The following SCMH1 variants were observed in gnomAD, a reference collection of about 807,000 sequenced individuals.
The protein encoded by SCMH1 is polycomb protein SCMH1.
A neutral mutation model predicts 70.8 loss-of-function variants in SCMH1; 37 were observed. That is an observed-to-expected ratio of 0.52 (90% confidence interval 0.40 to 0.69). The LOEUF is 0.69. SCMH1 is among the 30% of genes least tolerant of loss of function. The probability of loss-of-function intolerance (pLI) is 0.00; values close to 1 mark genes in which losing one functional copy is unlikely to be tolerated. For missense variants in SCMH1, 607 were observed against 827.3 expected (o/e 0.73, Z 3.27); for synonymous variants, 292 against 307.4 (o/e 0.95, Z 0.52).
chr1:41,094,489 G>A (rs1664534032), intron 8 of SCMH1, among the ~76,000 whole-genome samples: 1 of 152,142 alleles, frequency 6.6e-6, no homozygotes, highest in Admixed American at 6.6e-5. Context: ...TTTGAGAATT[G>A]TTAAACTAAG....
intron 2 of SCMH1, among the ~76,000 whole-genome samples, chr1:41,181,738 TACAC>T (rs1648829623): frequency 6.6e-6 from 1 of 152,224 alleles, no homozygotes; most frequent in Admixed American, 6.5e-5. Context: ...GGAACACTTT[TACAC>T]TGTTGGTGGG....
chr1:41,093,257 GC>G (rs1258758923), intron 8 of SCMH1, among the ~76,000 whole-genome samples: 1 of 151,838 alleles, frequency 6.6e-6, no homozygotes, highest in East Asian at 1.9e-4. Flanking sequence ...ATCATTCTCA[GC>G]AAACTATCGC....
At chr1:41,088,408 T>C (rs984797386) in intron 8 of SCMH1, among the ~76,000 whole-genome samples, 12 of 152,150 alleles carry the variant, frequency 7.9e-5, no homozygotes, top group South Asian at 4.1e-4. Flanking sequence ...ATTAAATCCA[T>C]AAAGATAAGG....
chr1:41,075,173 C>A (rs775240248), intron 9 of SCMH1, 46 bp downstream of exon 9: 1 of 1,594,654 alleles, frequency 6.3e-7, no homozygotes, highest in Admixed American at 1.7e-5. Flanking sequence ...CGAATGACCC[C>A]TTTATAAACC....
chr1:41,231,146 G>C (rs1461626438), intron 1 of SCMH1, among the ~76,000 whole-genome samples: 1 of 152,078 alleles, frequency 6.6e-6, no homozygotes, highest in Non-Finnish European at 1.5e-5. Flanking sequence ...ATTTTGTACT[G>C]GGATTCACTA....
intron 13 of SCMH1, among the ~76,000 whole-genome samples, chr1:41,032,853 C>T (rs1273728444): frequency 1.3e-5 from 2 of 152,096 alleles, no homozygotes; most frequent in Non-Finnish European, 2.9e-5. Flanking sequence ...GTGGCAGGCA[C>T]CTGTAATCCC....
At chr1:41,105,854 A>G (rs1054000277) in intron 8 of SCMH1, among the ~76,000 whole-genome samples, 5 of 150,746 alleles carry the variant, frequency 3.3e-5, no homozygotes, top group Non-Finnish European at 7.4e-5. Context: ...CTGTAACTCT[A>G]CTACTTAAAA....
intron 8 of SCMH1, among the ~76,000 whole-genome samples, chr1:41,099,676 T>C (rs1666050785): frequency 6.6e-6 from 1 of 152,210 alleles, no homozygotes; most frequent in Non-Finnish European, 1.5e-5. Flanking sequence ...AGAATGTGGA[T>C]ATGAGTACTG....
Position 41,175,178 on chromosome 1 carries a change from C to A in SCMH1, c.13+10943G>T, listed in dbSNP as rs74069076. 7.9e-3 allele frequency among the ~76,000 whole-genome samples: 1,196 copies of A among 152,280 alleles called. 15 individuals carry two copies. Among genetic ancestry groups the A allele is most frequent in the African/African-American group, 0.028 (1,156 of 41,548 alleles). On this transcript the variant is annotated intron_variant, in intron 2 of 14. Transcript: ENST00000337495. The stretch of plus-strand genomic sequence containing the variant: ...AATCAGTAGACTGAGTAAAGATTGC[C>A]CTCACCAATGTGTGTGGGCATTATC...
At chr1:41,106,771 C>T (rs955184988) in intron 8 of SCMH1, among the ~76,000 whole-genome samples, 3 of 151,812 alleles carry the variant, frequency 2.0e-5, no homozygotes, top group African/African-American at 7.3e-5. Flanking sequence ...CTCACTGCAA[C>T]CTCTGCCTCC....
intron 9 of SCMH1, among the ~76,000 whole-genome samples, chr1:41,073,860 A>T (rs564270966): frequency 6.6e-6 from 1 of 152,294 alleles, no homozygotes; most frequent in African/African-American, 2.4e-5. Context: ...ACAGACAAAC[A>T]AACTAACCCT....
intron 8 of SCMH1, among the ~76,000 whole-genome samples, chr1:41,090,898 G>C (rs1266372237): frequency 6.6e-6 from 1 of 152,076 alleles, no homozygotes; most frequent in Non-Finnish European, 1.5e-5. Context: ...AATTAGCTGG[G>C]CGCAGTGGCG....
chr1:41,155,623 G>GTTTAC (rs1645455016), intron 4 of SCMH1, among the ~76,000 whole-genome samples: 1 of 152,060 alleles, frequency 6.6e-6, no homozygotes, highest in Non-Finnish European at 1.5e-5. Flanking sequence ...AAAAGTAAGA[G>GTTTAC]GTAAAGAAGG....
chr1:41,050,079 G>T (rs1044191380), intron 10 of SCMH1, among the ~76,000 whole-genome samples: 2 of 152,000 alleles, frequency 1.3e-5, no homozygotes, highest in Non-Finnish European at 2.9e-5. Context: ...AAAAGAGCTT[G>T]AGGGTCCCAA....
At chr1:41,200,660 G>A (rs1274041222) in intron 1 of SCMH1, among the ~76,000 whole-genome samples, 2 of 151,600 alleles carry the variant, frequency 1.3e-5, no homozygotes, top group Admixed American at 1.3e-4. Context: ...AGGGAAGAAG[G>A]GGTATGATCC....
Position 41,113,341 on chromosome 1 carries a change from G to A in SCMH1, c.687C>T (p.Ile229=), listed in dbSNP as rs956550433. ...TCAAGGAACACCAGCCCACAGGGAA[G>A]ATGTCTCGGGAGTCGAAGCGGCACC... Residue 229 remains isoleucine, a synonymous_variant, in exon 8 of 15, where the codon ATC becomes ATT. Transcript: ENST00000337495. The surrounding 1 kb of genome is among the most constrained non-coding windows in gnomAD (Gnocchi z 4.3). 1 of 1,614,064 alleles carries A rather than the reference G, an allele frequency of 6.2e-7. No individual in the cohort carries two copies. The highest frequency in any genetic ancestry group is 2.2e-5 in the East Asian group (1 of 44,874).
intron 1 of SCMH1, among the ~76,000 whole-genome samples, chr1:41,238,693 G>A (rs1662880491): frequency 6.6e-6 from 1 of 152,056 alleles, no homozygotes; most frequent in South Asian, 2.1e-4. Flanking sequence ...ACTGACCTTC[G>A]CCTCTGCTGT....
intron 6 of SCMH1, among the ~76,000 whole-genome samples, chr1:41,141,049 TAAAG>T (rs199698086): frequency 0.013 from 1,958 of 152,300 alleles, 19 homozygotes; most frequent in Middle Eastern, 0.048. Flanking sequence ...AATTGGTAAA[TAAAG>T]AAATAAAGCA....
rs1424593521 is a variant in SCMH1 at position 41,212,341 on chromosome 1, A to C, written c.-117-26091T>G. ...AGACTCAGAAAAATAAGAATAAAAA[A>C]TTTAGCTTTTCAAAGATTTTTCTGA... On this transcript the variant is annotated intron_variant, in intron 1 of 14. Coordinates refer to ENST00000337495, the Ensembl canonical transcript of SCMH1. Among the ~76,000 whole-genome samples the C allele has an allele frequency of 2.0e-5, 3 of 152,202 alleles. No individual in the cohort carries two copies. The East Asian group carries it at 5.8e-4, about 29-fold the overall frequency.
Sources: gnomAD v4.1 joint callset for allele counts (sites outside exome capture counted in the v4.1 genomes callset) on GRCh38, gnomAD v4.1.1 for gene constraint, Gnocchi (gnomAD v3.1) non-coding constraint, MANE v1.5 for transcripts, NCBI Gene and HGNC (gene_info 2026-07-23, HGNC 2026-07-21) for gene names.